Variants in ALG2 observed in about 807,000 individuals in gnomAD.
The protein encoded by ALG2 is alpha-1,3/1,6-mannosyltransferase ALG2.
Under a neutral mutation model 30.5 loss-of-function variants are expected in ALG2, and 32 were observed. That is an observed-to-expected ratio of 1.05 (90% CI 0.79 to 1.41). The LOEUF (loss-of-function observed/expected upper bound fraction) is 1.41, where lower values mean the gene tolerates loss of function less well. Among genes scored for constraint, ALG2 ranks in the 40% most tolerant of loss-of-function variants. The pLI is 0.00. For missense variants in ALG2, 574 were observed against 526.4 expected (o/e 1.09, Z -0.88); for synonymous variants, 253 against 224.8 (o/e 1.13, Z -1.12).
In ALG2 at chr9:99,217,033, G is replaced by A. The variant is rs1316343579; in HGVS notation, c.*901C>T. On this transcript the variant is annotated 3_prime_UTR_variant, in exon 2 of 2. Coordinates refer to ENST00000476832, the MANE Select transcript of ALG2 (RefSeq NM_033087.4). ...TGAAAAGGCTAGAGTACATGGAGGGGGAAGATAACTTCTGGCTTGGGAGGT... is the reference window on the plus strand; with the variant it reads ...TGAAAAGGCTAGAGTACATGGAGGGAGAAGATAACTTCTGGCTTGGGAGGT... 1 of 454,006 alleles carries A rather than the reference G, an allele frequency of 2.2e-6. No homozygotes were observed. The highest frequency in any genetic ancestry group is 6.9e-5 in the East Asian group (1 of 14,408). The allele number at this position is 454,006 out of a possible 1,614,324, so 28.1% of individuals were successfully genotyped here. A position where few individuals can be genotyped will look rare whatever the true frequency, so the allele number is the denominator to read the frequency against.
At position 99,217,837 on chromosome 9, in the gene ALG2, T is replaced by G; in HGVS notation, c.*97A>C. The G allele has an allele frequency of 7.4e-7, 1 of 1,346,744 alleles. No homozygotes were observed. The highest frequency in any genetic ancestry group is 1.7e-5 in the Admixed American group (1 of 58,344). 83.4% of individuals were successfully genotyped at this position (1,346,744 alleles called of 1,614,324 possible). A position where few individuals can be genotyped will look rare whatever the true frequency, so the allele number is the denominator to read the frequency against. On this transcript the variant is annotated 3_prime_UTR_variant, in exon 2 of 2. Transcript: ENST00000476832. ...AGACTCAAGTTTATTTTTTAAAAGA[T>G]CTCTTCTGCATTAGATTCTAGGTTT... is the stretch of plus-strand genomic sequence containing the variant.
chr9:99,221,042 G>C (rs1175987988), intron 1 of ALG2: 1 of 1,354,026 alleles, frequency 7.4e-7, no homozygotes, highest in Admixed American at 1.9e-5. Context: ...GTTTTAATAG[G>C]GGCATGATAT....
Position 99,217,294 on chromosome 9 carries a change from T to TGA in ALG2, c.*639_*640insTC. 1 of 454,160 alleles carries TGA rather than the reference T, an allele frequency of 2.2e-6. No homozygotes were observed. Among genetic ancestry groups the TGA allele is most frequent in the African/African-American group, 2.0e-5 (1 of 50,144 alleles). 28.1% of individuals were successfully genotyped at this position (454,160 alleles called of 1,614,324 possible). On this transcript the variant is annotated 3_prime_UTR_variant, in exon 2 of 2. Transcript: ENST00000476832. ...TTTACCCTAGTGTTCTGATTTCCAG[T>TGA]TTGGTTGTCATATCCATGTTCGTAA...
At chr9:99,221,276 T>C in intron 1 of ALG2, 1 of 1,034,376 alleles carries the variant, frequency 9.7e-7, no homozygotes, top group African/African-American at 1.6e-5. Flanking sequence ...GGAATCACCC[T>C]ATGACCCAGT....
chr9:99,218,759 C>G lies in ALG2; in HGVS notation c.426G>C (p.Leu142=), dbSNP rs778882264. 3.7e-6 allele frequency: 6 copies of G among 1,613,676 alleles called. No homozygotes were observed. The highest frequency in any genetic ancestry group is 5.1e-6 in the Non-Finnish European group (6 of 1,180,024). ...GAAAAGAATCTCTCTTGGTGAGAAGCAGATCTGGGAAGTGACAGTAAAATA... is the reference window on the plus strand; with the variant it reads ...GAAAAGAATCTCTCTTGGTGAGAAGGAGATCTGGGAAGTGACAGTAAAATA... ...KILFYCHFPD[L]LLTKRDSFLK... is the part of the protein sequence containing the mutation. Residue 142 remains leucine (L), a synonymous_variant, in exon 2 of 2, where the codon CTG becomes CTC. Transcript: ENST00000476832.
In ALG2 at chr9:99,218,032, T is replaced by A. The variant is rs1340353164; in HGVS notation, c.1153A>T (p.Thr385Ser). The change falls in exon 2 of 2, where the codon ACC (threonine) becomes TCC (serine). Residue 385 changes from threonine to serine, a missense_variant. Transcript: ENST00000476832. ...KFIREPSLKATMGLAGRARVK... is the reference protein window; with the variant it reads ...KFIREPSLKASMGLAGRARVK... ...CTGGCTCTTCCAGCCAGGCCCATGG[T>A]GGCTTTTAAGGAAGGTTCACGGATG... 2 of 1,614,230 alleles carry A rather than the reference T, an allele frequency of 1.2e-6. No individual in the cohort carries two copies.
Position 99,221,652 on chromosome 9 carries a change from C to T in ALG2, c.243G>A (p.Trp81Ter). The change falls in exon 1 of 2, where the codon TGG (tryptophan) becomes TGA (stop). Residue 81 changes from tryptophan (W) to a stop codon, truncating the protein, a stop_gained. Transcript: ENST00000476832. LOFTEE classifies it high-confidence loss of function. ...CGCAGACGGCGGCGCCGCGGCCGCC[C>T]CAGCCCAGGCCTCGCGGCAGCCAGT... ...AGDWLPRGLGWGGRGAAVCAY... is the reference protein window; with the variant it reads ...AGDWLPRGLG The T allele has an allele frequency of 6.5e-7, 1 of 1,545,086 alleles. No homozygotes were observed. Among genetic ancestry groups the T allele is most frequent in the East Asian group, 2.4e-5 (1 of 41,360 alleles).
Position 99,218,517 on chromosome 9 carries a change from C to T in ALG2, c.668G>A (p.Gly223Glu), listed in dbSNP as rs766659880. The part of the protein sequence containing the change: ...PEKLDDLVPK[G>E]KKFLLLSINR... ...GATGGAGAGCAGCAGGAATTTTTTC[C>T]CCTTGGGGACTAGGTCATCCAGCTT... Residue 223 changes from glycine to glutamate, a missense_variant, in exon 2 of 2, where the codon GGG (glycine) becomes GAG (glutamate). Transcript: ENST00000476832. 5 of 1,614,124 alleles carry T rather than the reference C, an allele frequency of 3.1e-6. No individual in the cohort carries two copies. Among genetic ancestry groups the T allele is most frequent in the Non-Finnish European group, 4.2e-6 (5 of 1,180,022 alleles).
chr9:99,218,620 T>C lies in ALG2; in HGVS notation c.565A>G (p.Lys189Glu). 1.9e-6 allele frequency: 3 copies of C among 1,614,192 alleles called. No individual in the cohort carries two copies. Among genetic ancestry groups the C allele is most frequent in the Non-Finnish European group, 2.5e-6 (3 of 1,180,026 alleles). The change falls in exon 2 of 2, where the codon AAG becomes GAG. Residue 189 changes from lysine (K) to glutamate (E), a missense_variant. Physicochemically the swap from Lys to Glu is moderately conservative, Grantham distance 56 (BLOSUM62 1). Transcript: ENST00000476832. ...TCAGGGTCTATGTGAGACAGGGACT[T>C]GAATGTTTCCTTAAAAACAGCAGCT... ...FTAAVFKETFKSLSHIDPDVL... is the reference protein window; with the variant it reads ...FTAAVFKETFESLSHIDPDVL...
intron 1 of ALG2, 148 bp from the exon 2 acceptor site, chr9:99,218,984 G>A (rs1257313265): frequency 3.5e-6 from 3 of 851,518 alleles, no homozygotes; most frequent in Non-Finnish European, 5.7e-6. Flanking sequence ...CTCTCACCCA[G>A]TACCATATGC....
At chr9:99,221,469 T>G in intron 1 of ALG2, 78 bp downstream of exon 1, 2 of 1,446,318 alleles carry the variant, frequency 1.4e-6, no homozygotes, top group Non-Finnish European at 1.9e-6. Flanking sequence ...AGGGAAGGTC[T>G]TCTCTCAGGG....
Position 99,221,587 on chromosome 9 carries a change from A to C in ALG2, c.308T>G (p.Phe103Cys), listed in dbSNP as rs1172846901. 2 of 1,544,364 alleles carry C rather than the reference A, an allele frequency of 1.3e-6. No individual in the cohort carries two copies. The highest frequency in any genetic ancestry group is 1.2e-5 in the South Asian group (1 of 84,128). The change falls in exon 1 of 2, where the codon TTC (phenylalanine) becomes TGC (cysteine). Residue 103 changes from phenylalanine (F) to cysteine (C), a missense_variant. Coordinates refer to ENST00000476832, the MANE Select transcript of ALG2 (RefSeq NM_033087.4). The part of the protein sequence containing the change: ...RMVFLALYVL[F>C]LADEEFDVVV... ...CACGTCGAACTCCTCGTCGGCGAGG[A>C]ACAGCACGTAGAGCGCCAGGAAAAC...
chr9:99,218,281 A>G lies in ALG2; in HGVS notation c.904T>C (p.Ser302Pro), dbSNP rs532266149. The change falls in exon 2 of 2, where the codon TCT (serine) becomes CCT (proline). Residue 302 changes from serine to proline, a missense_variant. By Grantham distance (74) the Ser-to-Pro change is moderately conservative (BLOSUM62 -1). Coordinates refer to ENST00000476832, the MANE Select transcript of ALG2 (RefSeq NM_033087.4). ...DLGQYVTFLR[S>P]FSDKQKISLL... ...GAGATTTTCTGTTTGTCTGAGAAAG[A>G]CCTCAAGAAGGTCACATACTGGCCA... 1 of 1,614,036 alleles carries G rather than the reference A, an allele frequency of 6.2e-7. No homozygotes were observed.
rs1241204493 is a variant in ALG2 at position 99,218,822 on chromosome 9, G to A, written c.363C>T (p.Ile121=). ...VVVCDQVSAC[I]PVFRLARRRK... is the part of the protein sequence containing the mutation. ...GCCGTCTAGCCAGCCTGAACACTGG[G>A]ATACAGGCAGACACCTAGCCAAAGC... is the stretch of plus-strand genomic sequence containing the variant. Residue 121 remains isoleucine (I), a synonymous_variant, in exon 2 of 2, where the codon ATC becomes ATT. Coordinates refer to ENST00000476832, the MANE Select transcript of ALG2 (RefSeq NM_033087.4). 6.2e-7 allele frequency: 1 copy of A among 1,604,356 alleles called. No individual in the cohort carries two copies. The highest frequency in any genetic ancestry group is 8.5e-7 in the Non-Finnish European group (1 of 1,179,962).
rs1484489945 is a variant in ALG2 at position 99,221,564 on chromosome 9, C to A, written c.331G>T (p.Val111Leu). ...VLFLADEEFDVVVCDQVSACI... is the reference protein window; with the variant it reads ...VLFLADEEFDLVVCDQVSACI... ...CGCCTCACCTGGTCGCACACTACCA[C>A]GTCGAACTCCTCGTCGGCGAGGAAC... Residue 111 changes from valine (V) to leucine (L), a missense_variant, in exon 1 of 2, where the codon GTG becomes TTG. Val to Leu is a conservative substitution (Grantham distance 32). Coordinates refer to ENST00000476832, the MANE Select transcript of ALG2 (RefSeq NM_033087.4). 6.5e-7 allele frequency: 1 copy of A among 1,544,408 alleles called. No individual in the cohort carries two copies.
chr9:99,218,974 C>G lies in ALG2; in HGVS notation c.349-138G>C, dbSNP rs1375240265. ...TCTGATTCTGTTTTATTCCCCAAGA[C>G]TCTCACCCAGTACCATATGCCTGGT... On this transcript the variant is annotated intron_variant, in intron 1 of 1. Transcript: ENST00000476832. 1.2e-5 allele frequency: 11 copies of G among 927,878 alleles called. No individual in the cohort carries two copies. In the South Asian group the frequency reaches 1.5e-4, roughly 13 times the overall value. The allele number at this position is 927,878 out of a possible 1,614,324, so 57.5% of individuals were successfully genotyped here. A position where few individuals can be genotyped will look rare whatever the true frequency, so the allele number is the denominator to read the frequency against.
chr9:99,217,919 TTAAAAACAA>T lies in ALG2; in HGVS notation c.*6_*14del, dbSNP rs764898893. On this transcript the variant is annotated 3_prime_UTR_variant, in exon 2 of 2. Coordinates refer to ENST00000476832, the MANE Select transcript of ALG2 (RefSeq NM_033087.4). ...CATAAAAATGACATTAATGGAGATC[TTAAAAACAA>T]TCTGATTATACCAGCAGTTTGGTAA... 13 of 1,613,838 alleles carry T rather than the reference TTAAAAACAA, an allele frequency of 8.1e-6. 1 individual carries two copies. The South Asian group carries it at 1.2e-4, about 15-fold the overall frequency.
rs1182623450 is a variant in ALG2, at chr9:99,216,465, A to G, written c.*1469T>C. 1 of 438,180 alleles carries G rather than the reference A, an allele frequency of 2.3e-6. No individual in the cohort carries two copies. The highest frequency in any genetic ancestry group is 1.6e-5 in the South Asian group (1 of 61,624). The allele number at this position is 438,180 out of a possible 1,614,324, so 27.1% of individuals were successfully genotyped here. Reference sequence around the variant, plus strand: ...CTTTTAATCCCATAAAAGACTCAATATATTTGGCACCCTCATTTTATAGTA... The same window carrying G: ...CTTTTAATCCCATAAAAGACTCAATGTATTTGGCACCCTCATTTTATAGTA... On this transcript the variant is annotated 3_prime_UTR_variant, in exon 2 of 2. Coordinates refer to ENST00000476832, the MANE Select transcript of ALG2 (RefSeq NM_033087.4).
Position 99,218,030 on chromosome 9 carries a change from G to C in ALG2, c.1155C>G (p.Thr385=), listed in dbSNP as rs373175237. The C allele has an allele frequency of 6.2e-6, 10 of 1,614,174 alleles. No homozygotes were observed. Among genetic ancestry groups the C allele is most frequent in the Non-Finnish European group, 8.5e-6 (10 of 1,180,036 alleles). ...CTCTGGCTCTTCCAGCCAGGCCCATGGTGGCTTTTAAGGAAGGTTCACGGA... is the reference window on the plus strand; with the variant it reads ...CTCTGGCTCTTCCAGCCAGGCCCATCGTGGCTTTTAAGGAAGGTTCACGGA... ...KFIREPSLKA[T]MGLAGRARVK... Residue 385 remains threonine, a synonymous_variant, in exon 2 of 2, where the codon ACC becomes ACG. Coordinates refer to ENST00000476832, the MANE Select transcript of ALG2 (RefSeq NM_033087.4).
Sources: allele counts gnomAD v4.1 joint callset, GRCh38; gene constraint gnomAD v4.1.1; transcripts MANE v1.5; gene names NCBI Gene and HGNC (gene_info 2026-07-23, HGNC 2026-07-21).